Variants in MKNK1 observed in about 807,000 individuals in gnomAD.
MKNK1 encodes the protein MAPK interacting serine/threonine kinase 1.
MKNK1 carries 30 observed loss-of-function variants against 49.3 expected under a neutral mutation model. The ratio of observed to expected loss-of-function variants is 0.61; its 90% CI spans 0.46 to 0.83. The LOEUF is 0.83. MKNK1 is among the 40% of genes least tolerant of loss of function. The pLI, the probability that MKNK1 is intolerant of heterozygous loss-of-function variation, is 0.00. For missense variants in MKNK1, 423 were observed against 524.7 expected (o/e 0.81, Z 1.89); for synonymous variants, 176 against 201.7 (o/e 0.87, Z 1.08).
At chr1:46,603,510 C>G (rs188565199) in intron 1 of MKNK1, among the ~76,000 whole-genome samples, 81 of 152,308 alleles carry the variant, frequency 5.3e-4, no homozygotes, top group African/African-American at 1.8e-3. Flanking sequence ...CACAATGACC[C>G]TATTATGGCC....
At chr1:46,574,811 C>T in intron 6 of MKNK1, 136 bp downstream of exon 6, 1 of 603,444 alleles carries the variant, frequency 1.7e-6, no homozygotes, top group South Asian at 2.3e-5. Context: ...TCCCTTCTCC[C>T]AAATCAAGGG....
rs770192719 is a variant in MKNK1 at position 46,558,810 on chromosome 1, CA to C, written c.1014-11del. On this transcript the variant is annotated splice_polypyrimidine_tract_variant and intron_variant, in intron 12 of 12. Transcript: ENST00000371945. ...CATTGTGCTGCTGTTCCTGCAGGGC[CA>C]GGGGAAAGCACAGAAAAGAGGGTCA... 6 of 1,610,428 alleles carry C rather than the reference CA, an allele frequency of 3.7e-6. No individual in the cohort carries two copies. The highest frequency in any genetic ancestry group is 5.1e-6 in the Non-Finnish European group (6 of 1,178,150).
chr1:46,562,422 AG>A (rs1668177858), intron 10 of MKNK1, among the ~76,000 whole-genome samples: 1 of 122,488 alleles, frequency 8.2e-6, no homozygotes, highest in Non-Finnish European at 1.7e-5. Flanking sequence ...AAAAAAAAAG[AG>A]TCAGTTCAGG....
chr1:46,571,038 ACTG>A (rs1374457002), intron 7 of MKNK1, among the ~76,000 whole-genome samples: 3 of 152,240 alleles, frequency 2.0e-5, no homozygotes, highest in African/African-American at 7.2e-5. Context: ...TTTCCAGGGT[ACTG>A]CTGTTAGGCA....
chr1:46,576,478 G>C, intron 5 of MKNK1, 97 bp downstream of exon 5: 2 of 994,200 alleles, frequency 2.0e-6, no homozygotes, highest in South Asian at 1.3e-5. Flanking sequence ...ACAGGAGTGA[G>C]AGCTAAATGC....
At chr1:46,583,912 A>G (rs1277731057) in intron 2 of MKNK1, among the ~76,000 whole-genome samples, 1 of 152,188 alleles carries the variant, frequency 6.6e-6, no homozygotes. Flanking sequence ...TTGAGTGCCT[A>G]TGGAGCCTAC....
intron 2 of MKNK1, chr1:46,586,092 A>T: frequency 2.5e-6 from 1 of 393,286 alleles, no homozygotes; most frequent in Non-Finnish European, 4.9e-6. Flanking sequence ...CTAGTTGCCC[A>T]TGTGGAGCCT....
chr1:46,575,117 C>T (rs541604551), intron 5 of MKNK1, 97 bp from the exon 6 acceptor site: 2 of 771,218 alleles, frequency 2.6e-6, no homozygotes, highest in African/African-American at 3.5e-5. Flanking sequence ...ATATACAACA[C>T]CTGGTAGTGG....
chr1:46,581,627 T>C (rs1671763694), intron 3 of MKNK1, among the ~76,000 whole-genome samples: 1 of 151,950 alleles, frequency 6.6e-6, no homozygotes, highest in South Asian at 2.1e-4. Context: ...ACCTATTATG[T>C]GCCAAGTTCT....
At chr1:46,570,699 C>T (rs988820178) in intron 7 of MKNK1, among the ~76,000 whole-genome samples, 2 of 152,318 alleles carry the variant, frequency 1.3e-5, no homozygotes, top group East Asian at 3.9e-4. Context: ...TCACTCCCAC[C>T]CCCAACAGGC....
chr1:46,603,480 A>G (rs546372858), intron 1 of MKNK1, among the ~76,000 whole-genome samples: 1 of 152,338 alleles, frequency 6.6e-6, no homozygotes, highest in East Asian at 1.9e-4. Context: ...GGTGACTTCC[A>G]TATAATCCTA....
At position 46,583,292 on chromosome 1, in the gene MKNK1, A is replaced by C. The variant is rs1456684663; in HGVS notation, c.36T>G (p.Gly12=). ...GSSEPLPIAD[G]DRRRKKKRRG... is the part of the protein sequence containing the mutation. ...TCCGCTTCTTCTTCCTCCTCCTGTC[A>C]CCATCTGCGATGGGAAGGGGTTCGC... is the stretch of plus-strand genomic sequence containing the variant. The change falls in exon 3 of 13, where the codon GGT becomes GGG. Residue 12 remains glycine, a synonymous_variant. Coordinates refer to ENST00000371945, the MANE Select transcript of MKNK1 (RefSeq NM_001135553.4). 6.2e-7 allele frequency: 1 copy of C among 1,613,632 alleles called. No homozygotes were observed. Among genetic ancestry groups the C allele is most frequent in the African/African-American group, 1.3e-5 (1 of 74,842 alleles).
intron 4 of MKNK1, among the ~76,000 whole-genome samples, chr1:46,578,636 G>C (rs1671321695): frequency 6.6e-6 from 1 of 150,740 alleles, no homozygotes; most frequent in African/African-American, 2.5e-5. Flanking sequence ...GTCCAGGGTG[G>C]AGTGCAGTGG....
At chr1:46,592,295 C>T (rs1034433475) in intron 2 of MKNK1, among the ~76,000 whole-genome samples, 6 of 152,216 alleles carry the variant, frequency 3.9e-5, no homozygotes, top group African/African-American at 1.2e-4. Flanking sequence ...AATATAGTGG[C>T]TACTGGCACA....
At chr1:46,570,530 C>G (rs754622092) in intron 7 of MKNK1, among the ~76,000 whole-genome samples, 2 of 152,240 alleles carry the variant, frequency 1.3e-5, no homozygotes, top group Non-Finnish European at 2.9e-5. Context: ...GAACCTGAAC[C>G]TCCTGGACAT....
intron 8 of MKNK1, among the ~76,000 whole-genome samples, chr1:46,567,496 T>C (rs562157283): frequency 2.6e-5 from 4 of 152,204 alleles, no homozygotes; most frequent in Non-Finnish European, 5.9e-5. Context: ...TAATTATTAG[T>C]AGTAATCATC....
intron 2 of MKNK1, chr1:46,585,954 C>G (rs746622616): frequency 1.2e-4 from 159 of 1,364,390 alleles, no homozygotes; most frequent in Admixed American, 1.5e-4. Context: ...GGAAATGGAA[C>G]TTGGAGAGTT....
intron 1 of MKNK1, among the ~76,000 whole-genome samples, chr1:46,597,552 T>C (rs1377352888): frequency 2.0e-5 from 3 of 152,196 alleles, no homozygotes; most frequent in African/African-American, 7.2e-5. Context: ...CAACCCTCTA[T>C]GGGAGTCTTA....
chr1:46,568,362 C>A, intron 8 of MKNK1, 81 bp downstream of exon 8: 1 of 1,371,248 alleles, frequency 7.3e-7, no homozygotes, highest in Non-Finnish European at 1.0e-6. Flanking sequence ...GCCAACGGAA[C>A]TGCTAACAAT....
Sources: gnomAD v4.1 joint callset for allele counts (sites outside exome capture counted in the v4.1 genomes callset) on GRCh38, gnomAD v4.1.1 for gene constraint, MANE v1.5 for transcripts, NCBI Gene and HGNC (gene_info 2026-07-23, HGNC 2026-07-21) for gene names.